Variants in NAALADL2 observed in about 807,000 individuals in gnomAD.
The protein encoded by NAALADL2 is N-acetylated alpha-linked acidic dipeptidase like 2, also known as inactive N-acetylated-alpha-linked acidic dipeptidase-like protein 2.
In NAALADL2, 76 loss-of-function variants were observed where a neutral mutation model predicts 87.2. The observed-to-expected ratio is 0.87, with a 90% CI of 0.72 to 1.05. The LOEUF (loss-of-function observed/expected upper bound fraction) is 1.05. Ranked by LOEUF, NAALADL2 falls within the 50% of genes least tolerant of loss-of-function variation. The probability of loss-of-function intolerance (pLI) is 0.00; values close to 1 mark genes in which losing one functional copy is unlikely to be tolerated. For missense variants in NAALADL2, 1,089 were observed against 945.8 expected, an observed-to-expected ratio of 1.15 and a Z score of -1.99; for synonymous variants, 354 against 331.0, an observed-to-expected ratio of 1.07 and a Z score of -0.75.
At chr3:174,778,454 CAGG>C (rs755703907) in intron 3 of NAALADL2, among the ~76,000 whole-genome samples, 43,229 of 151,214 alleles carry the variant, frequency 0.29, 6,238 homozygotes, top group Middle Eastern at 0.34. Context: ...TACTCTGCAC[CAGG>C]TTTGGGTTAG....
chr3:175,435,759 G>A (rs1424085987), intron 5 of NAALADL2, among the ~76,000 whole-genome samples: 1 of 151,694 alleles, frequency 6.6e-6, no homozygotes, highest in East Asian at 1.9e-4. Flanking sequence ...CCTTTTTTGA[G>A]CCTGTTTCCT....
chr3:175,327,413 C>T (rs879232406), intron 5 of NAALADL2, among the ~76,000 whole-genome samples: 1 of 152,118 alleles, frequency 6.6e-6, no homozygotes, highest in Admixed American at 6.5e-5. Flanking sequence ...CCTCGGCCTC[C>T]CAAAGTGCTG....
intron 11 of NAALADL2, among the ~76,000 whole-genome samples, chr3:175,693,383 C>A (rs1430375169): frequency 2.6e-5 from 4 of 152,148 alleles, no homozygotes; most frequent in African/African-American, 9.7e-5. Context: ...GATACACAAG[C>A]TGGAGTAACC....
rs761316248 is a variant in NAALADL2, at chr3:175,755,289, A to G, written c.2060A>G (p.Gln687Arg). 6.2e-7 allele frequency: 1 copy of G among 1,613,686 alleles called. No homozygotes were observed. Among genetic ancestry groups the G allele is most frequent in the Admixed American group, 1.7e-5 (1 of 59,968 alleles). Residue 687 changes from glutamine (Q) to arginine (R), a missense_variant, in exon 13 of 14, where the codon CAG becomes CGG. Transcript: ENST00000454872. Reference protein sequence around the residue: ...LRLRESAELFQSDEMRPANDP... With the variant: ...LRLRESAELFRSDEMRPANDP... ...CTGCGGGAGAGTGCTGAACTTTTTC[A>G]GTCTGATGAGATGCGACCTGCTAAT...
intron 1 of NAALADL2, among the ~76,000 whole-genome samples, chr3:174,518,636 T>C (rs9849500): frequency 0.71 from 108,033 of 152,054 alleles, 38,609 homozygotes; most frequent in East Asian, 0.9. Context: ...TCTGGCCTAT[T>C]TAACTTCATC....
intron 3 of NAALADL2, among the ~76,000 whole-genome samples, chr3:174,845,200 C>T (rs1021092425): frequency 1.3e-5 from 2 of 152,190 alleles, no homozygotes; most frequent in African/African-American, 4.8e-5. Flanking sequence ...GCAGGACTCT[C>T]TTCAGCAAGA....
chr3:175,108,934 G>C (rs965828278), intron 2 of NAALADL2, among the ~76,000 whole-genome samples: 4 of 151,700 alleles, frequency 2.6e-5, no homozygotes, highest in Non-Finnish European at 5.9e-5. Flanking sequence ...GGCATGGGCA[G>C]ATTTTTTTTC....
At chr3:175,593,869 T>C (rs1467899316) in intron 10 of NAALADL2, among the ~76,000 whole-genome samples, 1 of 152,168 alleles carries the variant, frequency 6.6e-6, no homozygotes, top group Admixed American at 6.5e-5. Flanking sequence ...TTCAACATCT[T>C]TTGGGGAAAA....
At chr3:174,773,552 C>G (rs1381614550) in intron 3 of NAALADL2, among the ~76,000 whole-genome samples, 2 of 152,098 alleles carry the variant, frequency 1.3e-5, no homozygotes, top group Non-Finnish European at 2.9e-5. Context: ...ATGAACATAT[C>G]TAGTTAAAGT....
At chr3:174,928,517 G>C (rs1447446990) in intron 1 of NAALADL2, among the ~76,000 whole-genome samples, 1 of 152,100 alleles carries the variant, frequency 6.6e-6, no homozygotes, top group Non-Finnish European at 1.5e-5. Context: ...TGGTATTACA[G>C]GCGTGAGCCA....
At chr3:174,469,539 C>A (rs1374699152) in intron 1 of NAALADL2, among the ~76,000 whole-genome samples, 1 of 152,072 alleles carries the variant, frequency 6.6e-6, no homozygotes, top group Non-Finnish European at 1.5e-5. Flanking sequence ...CGCCATTCTC[C>A]TGCCTCAGCC....
At chr3:174,923,788 A>G (rs975263740) in intron 1 of NAALADL2, among the ~76,000 whole-genome samples, 1 of 152,128 alleles carries the variant, frequency 6.6e-6, no homozygotes, top group African/African-American at 2.4e-5. Context: ...ATACCTTGGT[A>G]CTTTTGACAG....
intron 2 of NAALADL2, among the ~76,000 whole-genome samples, chr3:174,714,119 G>GCA: frequency 6.6e-6 from 1 of 152,038 alleles, no homozygotes; most frequent in East Asian, 1.9e-4. Context: ...GTAGATACGT[G>GCA]GCATTATTTC....
At chr3:175,662,598 C>T (rs1303981173) in intron 11 of NAALADL2, among the ~76,000 whole-genome samples, 1 of 151,866 alleles carries the variant, frequency 6.6e-6, no homozygotes, top group Non-Finnish European at 1.5e-5. Context: ...CATTTTTTTC[C>T]ACATTCAATA....
intron 4 of NAALADL2, among the ~76,000 whole-genome samples, chr3:175,319,388 A>G (rs982190922): frequency 1.3e-5 from 2 of 152,246 alleles, no homozygotes; most frequent in Non-Finnish European, 2.9e-5. Context: ...AAAAAATGCC[A>G]TTATTGTGGC....
At chr3:174,852,319 C>G (rs574743543) in intron 3 of NAALADL2, among the ~76,000 whole-genome samples, 7 of 152,052 alleles carry the variant, frequency 4.6e-5, no homozygotes, top group Admixed American at 2.6e-4. Context: ...TTAGAAAAAC[C>G]TAAGTACTCC....
chr3:174,770,915 G>C (rs1455027382), intron 3 of NAALADL2, among the ~76,000 whole-genome samples: 1 of 151,358 alleles, frequency 6.6e-6, no homozygotes, highest in Non-Finnish European at 1.5e-5. Flanking sequence ...ACTTAAAATT[G>C]TTAACTCATA....
At chr3:175,017,034 T>A (rs1337544670) in intron 1 of NAALADL2, among the ~76,000 whole-genome samples, 1 of 150,934 alleles carries the variant, frequency 6.6e-6, no homozygotes, top group Non-Finnish European at 1.5e-5. Flanking sequence ...ACCTGCGTTT[T>A]TGTACCAATT....
At chr3:175,420,908 A>G (rs1362614108) in intron 5 of NAALADL2, among the ~76,000 whole-genome samples, 2 of 152,034 alleles carry the variant, frequency 1.3e-5, no homozygotes, top group Non-Finnish European at 2.9e-5. Flanking sequence ...GCCTATCTGC[A>G]TCCACATAAA....
Sources: gnomAD v4.1 joint callset for allele counts (sites outside exome capture counted in the v4.1 genomes callset) on GRCh38, gnomAD v4.1.1 for gene constraint, MANE v1.5 for transcripts, NCBI Gene and HGNC (gene_info 2026-07-23, HGNC 2026-07-21) for gene names.